PPP3CA: variants seen among roughly 807,000 people sequenced by gnomAD.
PPP3CA encodes protein phosphatase 3 catalytic subunit alpha, also known as CAM-PRP catalytic subunit.
In PPP3CA, 14 loss-of-function variants were observed where a neutral mutation model predicts 66.5. That is an observed-to-expected ratio of 0.21 (90% CI 0.14 to 0.33). The LOEUF (loss-of-function observed/expected upper bound fraction) is 0.33, where lower values mean the gene tolerates loss of function less well. Among genes scored for constraint, PPP3CA ranks in the 10% least tolerant of loss-of-function variants. The pLI, the probability that PPP3CA is intolerant of heterozygous loss-of-function variation, is 1.00. For synonymous variants in PPP3CA, 232 were observed against 226.2 expected (o/e 1.03, Z -0.23); for missense variants, 317 against 639.5 (o/e 0.50, Z 5.44).
chr4:101,099,049 C>A lies in PPP3CA; in HGVS notation c.497-537G>T, dbSNP rs115214112. ...TTGATATGTATAGAGAGATTCCCAGCTCTTCCATTTAACTGTATTTATACA... is the reference window on the plus strand; with the variant it reads ...TTGATATGTATAGAGAGATTCCCAGATCTTCCATTTAACTGTATTTATACA... On this transcript the variant is annotated intron_variant, in intron 4 of 13. Coordinates refer to ENST00000394854, the MANE Select transcript of PPP3CA (RefSeq NM_000944.5). Among the ~76,000 whole-genome samples, 186 of 152,200 alleles carry A rather than the reference C, an allele frequency of 1.2e-3. 1 individual carries two copies. The highest frequency in any genetic ancestry group is 4.3e-3 in the African/African-American group (178 of 41,534).
chr4:101,302,281 T>C (rs984198667), intron 1 of PPP3CA, among the ~76,000 whole-genome samples: 5 of 152,240 alleles, frequency 3.3e-5, no homozygotes, highest in Non-Finnish European at 4.4e-5. Flanking sequence ...TCACCTCAGT[T>C]TGAACATCTT....
intron 1 of PPP3CA, among the ~76,000 whole-genome samples, chr4:101,326,797 C>T (rs978490273): frequency 3.3e-5 from 5 of 152,220 alleles, no homozygotes; most frequent in Non-Finnish European, 7.3e-5. Flanking sequence ...CACTCACTCC[C>T]TTCATTTACA....
At chr4:101,246,629 T>C (rs1391788689) in intron 1 of PPP3CA, among the ~76,000 whole-genome samples, 1 of 152,170 alleles carries the variant, frequency 6.6e-6, no homozygotes, top group Admixed American at 6.5e-5. Context: ...AGCCTCCACA[T>C]ATTACTCTGA....
At chr4:101,148,753 A>G (rs1316424708) in intron 2 of PPP3CA, among the ~76,000 whole-genome samples, 2 of 152,160 alleles carry the variant, frequency 1.3e-5, no homozygotes, top group Non-Finnish European at 2.9e-5. Flanking sequence ...AGGAAAGGAC[A>G]AGGAGTGTAA....
At chr4:101,061,003 T>C in intron 10 of PPP3CA, 84 bp downstream of exon 10, 1 of 1,138,746 alleles carries the variant, frequency 8.8e-7, no homozygotes, top group Non-Finnish European at 1.3e-6. Context: ...ATCCAAATCT[T>C]AGAAATTTAT....
intron 2 of PPP3CA, among the ~76,000 whole-genome samples, chr4:101,131,407 C>A (rs371198862): frequency 1.4e-5 from 2 of 139,396 alleles, no homozygotes; most frequent in Admixed American, 7.4e-5. Context: ...GAAGATTTAC[C>A]AAGCAAATAG....
At chr4:101,105,069 T>C (rs1278575524) in intron 3 of PPP3CA, among the ~76,000 whole-genome samples, 1 of 152,150 alleles carries the variant, frequency 6.6e-6, no homozygotes, top group Non-Finnish European at 1.5e-5. Context: ...CATAGCAAAT[T>C]TCATAGTTCA....
At chr4:101,338,230 G>A (rs1221249686) in intron 1 of PPP3CA, among the ~76,000 whole-genome samples, 1 of 152,182 alleles carries the variant, frequency 6.6e-6, no homozygotes, top group Non-Finnish European at 1.5e-5. Flanking sequence ...ACTTCTGCCA[G>A]TTATGCTTCT....
At chr4:101,038,477 C>G (rs1361548696) in intron 11 of PPP3CA, among the ~76,000 whole-genome samples, 2 of 151,362 alleles carry the variant, frequency 1.3e-5, no homozygotes, top group African/African-American at 4.9e-5. Context: ...TTGAGAGATT[C>G]TCCTGCCTCA....
chr4:101,079,968 C>A (rs1458567882), intron 8 of PPP3CA, among the ~76,000 whole-genome samples: 1 of 152,180 alleles, frequency 6.6e-6, no homozygotes, highest in South Asian at 2.1e-4. Context: ...CAATTAACCA[C>A]AGGAACTCAG....
chr4:101,277,256 T>TA lies in PPP3CA; in HGVS notation c.58+69482dup, dbSNP rs553762372. Reference sequence around the variant, plus strand: ...TACCTCATTTCTTTATATCTCTGAATAATACCTCATCATATGGATGTACCA... The same window carrying TA: ...TACCTCATTTCTTTATATCTCTGAATAAATACCTCATCATATGGATGTACCA... On this transcript the variant is annotated intron_variant, in intron 1 of 13. Coordinates refer to ENST00000394854, the MANE Select transcript of PPP3CA (RefSeq NM_000944.5). 6.2e-3 allele frequency among the ~76,000 whole-genome samples: 949 copies of TA among 152,326 alleles called. 7 individuals carry two copies. Among genetic ancestry groups the TA allele is most frequent in the African/African-American group, 0.022 (919 of 41,558 alleles).
intron 1 of PPP3CA, among the ~76,000 whole-genome samples, chr4:101,246,014 C>T (rs907246474): frequency 3.3e-5 from 5 of 152,112 alleles, no homozygotes; most frequent in Non-Finnish European, 5.9e-5. Context: ...CTCCTCGTTT[C>T]TACACAGTTA....
At chr4:101,044,652 C>A (rs1045011394) in intron 10 of PPP3CA, among the ~76,000 whole-genome samples, 1 of 152,092 alleles carries the variant, frequency 6.6e-6, no homozygotes, top group Admixed American at 6.6e-5. Flanking sequence ...TCTCCTTTCA[C>A]CTTTTTAAGT....
rs1174578535 is a variant in PPP3CA, at chr4:101,099,604, T to C, written c.496+7A>G. ...GTGTTAAAGGAAGGAGGTTGAAGTATACTTACATTCTTGTTTAAATGTGAA... is the reference window on the plus strand; with the variant it reads ...GTGTTAAAGGAAGGAGGTTGAAGTACACTTACATTCTTGTTTAAATGTGAA... On this transcript the variant is annotated splice_region_variant and intron_variant, in intron 4 of 13. Transcript: ENST00000394854. The C allele has an allele frequency of 2.0e-6, 3 of 1,510,416 alleles. No homozygotes were observed. The highest frequency in any genetic ancestry group is 2.7e-6 in the Non-Finnish European group (3 of 1,100,112). 93.6% of individuals were successfully genotyped at this position (1,510,416 alleles called of 1,614,324 possible).
At chr4:101,053,568 C>T (rs1183627546) in intron 10 of PPP3CA, among the ~76,000 whole-genome samples, 1 of 152,156 alleles carries the variant, frequency 6.6e-6, no homozygotes, top group African/African-American at 2.4e-5. Flanking sequence ...TCCTATGCCT[C>T]TGTCACTAGC....
At chr4:101,077,379 T>C (rs1157790887) in intron 8 of PPP3CA, among the ~76,000 whole-genome samples, 1 of 152,226 alleles carries the variant, frequency 6.6e-6, no homozygotes, top group African/African-American at 2.4e-5. Context: ...TATCATTTGC[T>C]TCTAACAATC....
rs181842876 is a variant in PPP3CA, at chr4:101,111,522, A to G, written c.260-2444T>C. On this transcript the variant is annotated intron_variant, in intron 2 of 13. Transcript: ENST00000394854. ...GACATTATTTGGAATCTCTATGGCA[A>G]GTTTAACAGTCATATTTTAGGCTGT... Among the ~76,000 whole-genome samples, 319 of 152,280 alleles carry G rather than the reference A, an allele frequency of 2.1e-3. 2 individuals carry two copies. Among genetic ancestry groups the G allele is most frequent in the African/African-American group, 7.2e-3 (301 of 41,568 alleles).
At chr4:101,313,238 G>A (rs1728781400) in intron 1 of PPP3CA, among the ~76,000 whole-genome samples, 1 of 151,932 alleles carries the variant, frequency 6.6e-6, no homozygotes, top group South Asian at 2.1e-4. Context: ...TGTTGACCAG[G>A]CTGGTCTGAA....
intron 6 of PPP3CA, among the ~76,000 whole-genome samples, chr4:101,089,466 T>A (rs1273503633): frequency 1.3e-5 from 2 of 152,270 alleles, no homozygotes; most frequent in Non-Finnish European, 2.9e-5. Context: ...ACCTGTAGCT[T>A]CCAAAACACT....
Sources: allele counts gnomAD v4.1 joint callset (sites outside exome capture counted in the v4.1 genomes callset), GRCh38; gene constraint gnomAD v4.1.1; transcripts MANE v1.5; gene names NCBI Gene and HGNC (gene_info 2026-07-23, HGNC 2026-07-21).